The following DLG1 variants were observed in gnomAD, a reference collection of about 807,000 sequenced individuals.
DLG1 encodes the protein discs large MAGUK scaffold protein 1.
In DLG1, 42 loss-of-function variants were observed where a neutral mutation model predicts 123.4. That is an observed-to-expected ratio of 0.34 (90% CI 0.27 to 0.44). The LOEUF (loss-of-function observed/expected upper bound fraction) is 0.44, where lower values mean the gene tolerates loss of function less well. Among genes scored for constraint, DLG1 ranks in the 20% least tolerant of loss-of-function variants. DLG1 has a pLI of 1.00. For synonymous variants in DLG1, 317 were observed against 356.2 expected, an observed-to-expected ratio of 0.89 and a Z score of 1.24; for missense variants, 942 against 1,082.6, an observed-to-expected ratio of 0.87 and a Z score of 1.82.
chr3:197,249,217 A>G (rs1431911933), intron 4 of DLG1, among the ~76,000 whole-genome samples: 1 of 152,130 alleles, frequency 6.6e-6, no homozygotes, highest in Non-Finnish European at 1.5e-5. Flanking sequence ...AATGAAAAAG[A>G]AAACATAACT....
At chr3:197,199,714 A>G (rs1175968196) in intron 4 of DLG1, among the ~76,000 whole-genome samples, 3 of 152,146 alleles carry the variant, frequency 2.0e-5, no homozygotes, top group African/African-American at 7.2e-5. Flanking sequence ...ATTTCTTGTT[A>G]TCTAAAGGTT....
intron 11 of DLG1, 132 bp from the exon 12 acceptor site, chr3:197,119,662 T>C: frequency 1.1e-6 from 1 of 947,890 alleles, no homozygotes. Context: ...GATTTACTCA[T>C]CAGCCAAAAA....
intron 14 of DLG1, among the ~76,000 whole-genome samples, chr3:197,096,057 T>C (rs1386590741): frequency 6.6e-6 from 1 of 152,210 alleles, no homozygotes; most frequent in Non-Finnish European, 1.5e-5. Context: ...AAGATCTGGA[T>C]GCTAGGTGCT....
At chr3:197,091,100 T>C in intron 14 of DLG1, 74 bp from the exon 15 acceptor site, 8 of 990,406 alleles carry the variant, frequency 8.1e-6, no homozygotes, top group Non-Finnish European at 1.1e-5. Context: ...GTATTAAATA[T>C]GTAAACTGTC....
chr3:197,158,751 A>G (rs1200985235), intron 5 of DLG1, among the ~76,000 whole-genome samples: 1 of 151,666 alleles, frequency 6.6e-6, no homozygotes, highest in Non-Finnish European at 1.5e-5. Flanking sequence ...TGTCTCTTGC[A>G]CAAACACCTA....
chr3:197,262,207 G>A (rs1471209598), intron 4 of DLG1, among the ~76,000 whole-genome samples: 1 of 152,100 alleles, frequency 6.6e-6, no homozygotes, highest in Non-Finnish European at 1.5e-5. Flanking sequence ...TTAGAGGGCT[G>A]GAACTTTCAG....
intron 22 of DLG1, among the ~76,000 whole-genome samples, chr3:197,060,370 G>C (rs1182782624): frequency 1.3e-5 from 2 of 152,094 alleles, no homozygotes; most frequent in African/African-American, 4.8e-5. Context: ...TGGGGCTCAA[G>C]TGATCCTCCC....
At chr3:197,230,725 T>C (rs1041725291) in intron 4 of DLG1, among the ~76,000 whole-genome samples, 7 of 152,208 alleles carry the variant, frequency 4.6e-5, no homozygotes, top group Non-Finnish European at 7.4e-5. Context: ...ATACCAAAGA[T>C]AGTAATAGCA....
intron 24 of DLG1, among the ~76,000 whole-genome samples, chr3:197,047,131 A>T (rs1034898441): frequency 6.6e-6 from 1 of 152,190 alleles, no homozygotes; most frequent in African/African-American, 2.4e-5. Flanking sequence ...GAATAGTGAA[A>T]TACTAATAAG....
At position 197,282,673 on chromosome 3, in the gene DLG1, T is replaced by A; in HGVS notation, c.318+6A>T. The A allele has an allele frequency of 6.6e-7, 1 of 1,519,208 alleles. No homozygotes were observed. Among genetic ancestry groups the A allele is most frequent in the South Asian group, 1.4e-5 (1 of 72,632 alleles). The allele number at this position is 1,519,208 out of a possible 1,614,324, so 94.1% of individuals were successfully genotyped here. A position where few individuals can be genotyped will look rare whatever the true frequency, so the allele number is the denominator to read the frequency against. On this transcript the variant is annotated splice_donor_region_variant and intron_variant, in intron 4 of 24. Coordinates refer to ENST00000667157, the MANE Select transcript of DLG1 (RefSeq NM_001366207.1). The stretch of plus-strand genomic sequence containing the variant: ...AAACAGCTTCAGAACACATTTTTTA[T>A]CTCACCTCTACACTAGGGCTAAGGC...
At chr3:197,054,399 CCCTT>C (rs1730189027) in intron 23 of DLG1, among the ~76,000 whole-genome samples, 2 of 151,924 alleles carry the variant, frequency 1.3e-5, no homozygotes, top group Admixed American at 1.3e-4. Flanking sequence ...TCTTATAGGT[CCCTT>C]AGGCTCTGTT....
chr3:197,085,877 CCA>C (rs1201786680), intron 15 of DLG1, 121 bp from the exon 16 acceptor site: 1 of 843,282 alleles, frequency 1.2e-6, no homozygotes, highest in Non-Finnish European at 1.8e-6. Context: ...CAAATAATGC[CCA>C]GTTCAATTCT....
At chr3:197,096,752 TTTTC>T (rs1383581041) in intron 14 of DLG1, among the ~76,000 whole-genome samples, 4 of 152,220 alleles carry the variant, frequency 2.6e-5, no homozygotes, top group Non-Finnish European at 5.9e-5. Flanking sequence ...ACTCTATCAT[TTTTC>T]TTTGTTTCAA....
chr3:197,252,488 A>C (rs868734869), intron 4 of DLG1, among the ~76,000 whole-genome samples: 4 of 152,202 alleles, frequency 2.6e-5, no homozygotes, highest in African/African-American at 7.2e-5. Flanking sequence ...AGTCACAAGA[A>C]GACAAATACC....
intron 6 of DLG1, among the ~76,000 whole-genome samples, chr3:197,145,353 CTGTTTT>C (rs1311666206): frequency 2.0e-5 from 3 of 152,074 alleles, no homozygotes; most frequent in Non-Finnish European, 1.5e-5. Flanking sequence ...GTATTACTTT[CTGTTTT>C]TAACAGTTCT....
chr3:197,285,568 T>G (rs924356237), intron 3 of DLG1, among the ~76,000 whole-genome samples: 2 of 151,806 alleles, frequency 1.3e-5, no homozygotes, highest in African/African-American at 2.4e-5. Context: ...GACTCAACAA[T>G]AAGAAGACAA....
intron 4 of DLG1, among the ~76,000 whole-genome samples, chr3:197,207,524 T>C (rs1729201235): frequency 6.6e-6 from 1 of 152,102 alleles, no homozygotes; most frequent in Non-Finnish European, 1.5e-5. Context: ...ATGCAGGAAT[T>C]AGAAGAGGTA....
chr3:197,098,977 CAATT>C (rs748152742), intron 14 of DLG1, among the ~76,000 whole-genome samples: 12 of 152,334 alleles, frequency 7.9e-5, no homozygotes, highest in Admixed American at 2.0e-4. Context: ...TTGTTTCAAT[CAATT>C]GATACTTTTA....
chr3:197,225,810 T>C (rs186885370), intron 4 of DLG1: 2 of 152,790 alleles, frequency 1.3e-5, no homozygotes, highest in African/African-American at 4.8e-5. Flanking sequence ...TGAAATACTA[T>C]TGGATTTTAA....
Sources: allele counts gnomAD v4.1 joint callset (sites outside exome capture counted in the v4.1 genomes callset), GRCh38; gene constraint gnomAD v4.1.1; transcripts MANE v1.5; gene names NCBI Gene and HGNC (gene_info 2026-07-23, HGNC 2026-07-21).